Variants in TNFRSF11A observed in about 807,000 individuals in gnomAD.
TNFRSF11A encodes the protein TNF receptor superfamily member 11a.
TNFRSF11A carries 32 observed loss-of-function variants against 55.7 expected under a neutral mutation model. The ratio of observed to expected loss-of-function variants is 0.57; its 90% confidence interval spans 0.43 to 0.77. The LOEUF (loss-of-function observed/expected upper bound fraction) is 0.77. TNFRSF11A is among the 30% of genes least tolerant of loss of function. TNFRSF11A has a pLI of 0.00. For missense variants in TNFRSF11A, 753 were observed against 809.8 expected (o/e 0.93, Z 0.85); for synonymous variants, 311 against 331.0 (o/e 0.94, Z 0.65).
At chr18:62,361,590 T>C (rs1909688852) in intron 6 of TNFRSF11A, 90 bp from the exon 7 acceptor site, 1 of 1,288,018 alleles carries the variant, frequency 7.8e-7, no homozygotes, top group African/African-American at 1.5e-5. Context: ...ACATTTTTGA[T>C]TCTGAGGTTT....
intron 9 of TNFRSF11A, among the ~76,000 whole-genome samples, chr18:62,380,055 C>G (rs1230387685): frequency 6.6e-6 from 1 of 152,108 alleles, no homozygotes; most frequent in Non-Finnish European, 1.5e-5. Context: ...CTGACATAGC[C>G]CAGTGGAAAA....
intron 9 of TNFRSF11A, among the ~76,000 whole-genome samples, chr18:62,375,107 A>C (rs1422761065): frequency 1.4e-5 from 2 of 148,052 alleles, no homozygotes; most frequent in African/African-American, 5.0e-5. Flanking sequence ...TTAGAGACTG[A>C]GTTTCGTCAT....
rs1030160400 is a variant in TNFRSF11A, at chr18:62,325,824, C to G, written c.75+397C>G. 6.6e-6 allele frequency among the ~76,000 whole-genome samples: 1 copy of G among 152,236 alleles called. No individual in the cohort carries two copies. Among genetic ancestry groups the G allele is most frequent in the Non-Finnish European group, 1.5e-5 (1 of 68,038 alleles). On this transcript the variant is annotated intron_variant, in intron 1 of 9. Transcript: ENST00000586569. The surrounding 1 kb of genome is among the most constrained non-coding windows in gnomAD (Gnocchi z 4.7). ...TTGCGGCAGATAACCGTTCCCGATA[C>G]GATTTCTCCCGGGTGGCCTCCGTCC...
rs369642774 is a variant in TNFRSF11A, at chr18:62,348,181, T to A, written c.89T>A (p.Ile30Asn). The A allele has an allele frequency of 3.7e-6, 6 of 1,613,974 alleles. No homozygotes were observed. The highest frequency in any genetic ancestry group is 5.1e-6 in the Non-Finnish European group (6 of 1,180,008). ...TGTTCTTTTCAGGTGGCTTTGCAGA[T>A]CGCTCCTCCATGTACCAGTGAGAAG... ...LLARLQVALQ[I>N]APPCTSEKHY... Residue 30 changes from isoleucine to asparagine, a missense_variant, in exon 2 of 10, where the codon ATC becomes AAC. By Grantham distance (149) the Ile-to-Asn change is moderately radical. This residue lies in a region of TNFRSF11A where 156 missense variants were observed against 155.1 expected (regional missense o/e 1.01). Transcript: ENST00000586569.
rs1191488517 is a variant in TNFRSF11A at position 62,375,615 on chromosome 18, G to A, written c.1567+6131G>A. On this transcript the variant is annotated intron_variant, in intron 9 of 9. Transcript: ENST00000586569. The stretch of plus-strand genomic sequence containing the variant: ...TCACTGGGTGCTGAGTGTTTTGTGT[G>A]TATTATCTTCTTATTCCTCACAGAA... 2.0e-5 allele frequency among the ~76,000 whole-genome samples: 3 copies of A among 152,200 alleles called. No individual in the cohort carries two copies. The East Asian group carries it at 5.8e-4, about 29-fold the overall frequency.
In TNFRSF11A at chr18:62,326,346, A is replaced by G. The variant is rs189681014; in HGVS notation, c.75+919A>G. Among the ~76,000 whole-genome samples, 718 of 152,316 alleles carry G rather than the reference A, an allele frequency of 4.7e-3. 6 individuals carry two copies. Among genetic ancestry groups the G allele is most frequent in the African/African-American group, 0.017 (687 of 41,560 alleles). ...TCGTGTTTGGGTGAGAAGAGAGGGGAAAAGCCTTGACAGAAATAATGTGGG... is the reference window on the plus strand; with the variant it reads ...TCGTGTTTGGGTGAGAAGAGAGGGGGAAAGCCTTGACAGAAATAATGTGGG... On this transcript the variant is annotated intron_variant, in intron 1 of 9. Coordinates refer to ENST00000586569, the MANE Select transcript of TNFRSF11A (RefSeq NM_003839.4).
rs1911758648 is a variant in TNFRSF11A, at chr18:62,386,672, C to G, written c.*1638C>G. 6.6e-6 allele frequency: 1 copy of G among 152,188 alleles called. No homozygotes were observed. The highest frequency in any genetic ancestry group is 2.1e-4 in the South Asian group (1 of 4,824). 9.4% of individuals were successfully genotyped at this position (152,188 alleles called of 1,614,324 possible). ...GTCACTGCCCAGACTTTACTGGCCA[C>G]AAATGCCCAGCTGAAGAGCATGACT... On this transcript the variant is annotated 3_prime_UTR_variant, in exon 10 of 10. Transcript: ENST00000586569.
chr18:62,368,648 G>A lies in TNFRSF11A; in HGVS notation c.784-53G>A, dbSNP rs189818158. ...TTTTCAGCAATGTTTAGCTAAACTT[G>A]TCCTAATAACTCTAGGTATTAATGC... On this transcript the variant is annotated intron_variant, in intron 8 of 9. Coordinates refer to ENST00000586569, the MANE Select transcript of TNFRSF11A (RefSeq NM_003839.4). 1.0e-4 allele frequency: 160 copies of A among 1,587,430 alleles called. No homozygotes were observed. The African/African-American group carries it at 1.6e-3, about 16-fold the overall frequency.
At chr18:62,358,401 T>C in intron 5 of TNFRSF11A, 60 bp downstream of exon 5, 1 of 1,486,634 alleles carries the variant, frequency 6.7e-7, no homozygotes, top group Admixed American at 1.7e-5. Context: ...CAACCTCCAC[T>C]GTCTCGTCTG....
chr18:62,355,227 C>G (rs551922744), intron 4 of TNFRSF11A, among the ~76,000 whole-genome samples: 3 of 151,986 alleles, frequency 2.0e-5, no homozygotes. Flanking sequence ...TTTTCACATT[C>G]GAATATGCAC....
intron 2 of TNFRSF11A, among the ~76,000 whole-genome samples, chr18:62,348,727 C>A (rs1481912330): frequency 6.6e-6 from 1 of 152,220 alleles, no homozygotes; most frequent in African/African-American, 2.4e-5. Context: ...CTGGCTACCA[C>A]CTGCCCCAAG....
At chr18:62,337,149 T>C (rs902456534) in intron 1 of TNFRSF11A, among the ~76,000 whole-genome samples, 1 of 152,176 alleles carries the variant, frequency 6.6e-6, no homozygotes, top group Non-Finnish European at 1.5e-5. Context: ...TATTTTTAAG[T>C]TTTTGTTTTT....
intron 8 of TNFRSF11A, 82 bp downstream of exon 8, chr18:62,366,842 A>AACC (rs1910118986): frequency 8.7e-7 from 1 of 1,154,398 alleles, no homozygotes; most frequent in Non-Finnish European, 1.3e-6. Context: ...CATATTGAGC[A>AACC]CCCCCCCCCA....
At chr18:62,375,219 A>G (rs902640980) in intron 9 of TNFRSF11A, among the ~76,000 whole-genome samples, 1 of 151,968 alleles carries the variant, frequency 6.6e-6, no homozygotes, top group African/African-American at 2.4e-5. Context: ...AGGTGGGAGG[A>G]CAGCCAAGCC....
At chr18:62,374,995 C>G (rs548910172) in intron 9 of TNFRSF11A, among the ~76,000 whole-genome samples, 1 of 152,076 alleles carries the variant, frequency 6.6e-6, no homozygotes, top group East Asian at 1.9e-4. Flanking sequence ...GCCTCCGTCC[C>G]CCAGGCTCAA....
At chr18:62,358,182 C>A in intron 4 of TNFRSF11A, 66 bp from the exon 5 acceptor site, 1 of 1,503,456 alleles carries the variant, frequency 6.7e-7, no homozygotes, top group South Asian at 1.1e-5. Flanking sequence ...CCTGGATGAT[C>A]TCTAAGTGAC....
At chr18:62,362,490 C>CAAAAAAAAAAAAAAAA in intron 7 of TNFRSF11A, among the ~76,000 whole-genome samples, 1 of 75,872 alleles carries the variant, frequency 1.3e-5, no homozygotes, top group Non-Finnish European at 2.4e-5. Flanking sequence ...AACTTCATCT[C>CAAAAAAAAAAAAAAAA]AAAAAAAAAA....
Position 62,376,278 on chromosome 18 carries a change from C to CT in TNFRSF11A, c.1567+6812dup, listed in dbSNP as rs35138457. On this transcript the variant is annotated intron_variant, in intron 9 of 9. Transcript: ENST00000586569. ...TTCTTCCACATGCTTCAAACTTTAT[C>CT]TTTTTTTTTTTTTTTTTTGGCAAGC... 2.1e-3 allele frequency among the ~76,000 whole-genome samples: 204 copies of CT among 99,224 alleles called. 1 individual carries two copies. Among genetic ancestry groups the CT allele is most frequent in the South Asian group, 4.6e-3 (14 of 3,048 alleles). The allele number at this position is 99,224 out of a possible 152,430, so 65.1% of individuals were successfully genotyped here.
chr18:62,360,565 G>A (rs1909607699), intron 6 of TNFRSF11A, among the ~76,000 whole-genome samples: 2 of 151,982 alleles, frequency 1.3e-5, no homozygotes, highest in South Asian at 4.2e-4. Flanking sequence ...TCCTGCCTCA[G>A]CCTCCTGAGT....
Sources: gnomAD v4.1 joint callset for allele counts (sites outside exome capture counted in the v4.1 genomes callset) on GRCh38, gnomAD v4.1.1 for gene constraint, gnomAD v4.1.1 regional missense constraint, Gnocchi (gnomAD v3.1) non-coding constraint, MANE v1.5 for transcripts, NCBI Gene and HGNC (gene_info 2026-07-23, HGNC 2026-07-21) for gene names.